ATP9A: variants seen among roughly 807,000 people sequenced by gnomAD.
ATP9A encodes the protein ATPase phospholipid transporting 9A.
A neutral mutation model predicts 144.1 loss-of-function variants in ATP9A; 52 were observed. The observed-to-expected ratio is 0.36, with a 90% CI of 0.29 to 0.45. The LOEUF is 0.45. Ranked by LOEUF, ATP9A falls within the 20% of genes least tolerant of loss-of-function variation. The pLI, the probability that ATP9A is intolerant of heterozygous loss-of-function variation, is 1.00. For synonymous variants in ATP9A, 582 were observed against 557.4 expected (o/e 1.04, Z -0.62); for missense variants, 947 against 1,392.7 (o/e 0.68, Z 5.09).
At chr20:51,627,265 C>G (rs77189454) in intron 17 of ATP9A, among the ~76,000 whole-genome samples, 1 of 152,070 alleles carries the variant, frequency 6.6e-6, no homozygotes, top group African/African-American at 2.4e-5. Flanking sequence ...AATGGTAGCA[C>G]GCGATGACAG....
intron 4 of ATP9A, among the ~76,000 whole-genome samples, chr20:51,705,106 G>A (rs1312791763): frequency 6.6e-6 from 1 of 152,050 alleles, no homozygotes; most frequent in Non-Finnish European, 1.5e-5. Context: ...GTAGTACTTG[G>A]GTTTAGGAAT....
chr20:51,678,429 G>A (rs1390729574), intron 9 of ATP9A, among the ~76,000 whole-genome samples: 1 of 152,174 alleles, frequency 6.6e-6, no homozygotes, highest in African/African-American at 2.4e-5. Context: ...TGGACAAAGA[G>A]CCCTAGGAGG....
intron 13 of ATP9A, among the ~76,000 whole-genome samples, chr20:51,666,779 C>T (rs2077434929): frequency 6.6e-6 from 1 of 152,002 alleles, no homozygotes; most frequent in South Asian, 2.1e-4. Context: ...GCAGTGGGAG[C>T]AGGGGTGATG....
chr20:51,654,725 C>T (rs1242330673), intron 14 of ATP9A, among the ~76,000 whole-genome samples: 1 of 152,112 alleles, frequency 6.6e-6, no homozygotes, highest in Non-Finnish European at 1.5e-5. Context: ...GGCAACATAG[C>T]AAGACCCCAT....
chr20:51,725,050 G>A (rs1166721827), intron 3 of ATP9A, among the ~76,000 whole-genome samples: 1 of 152,092 alleles, frequency 6.6e-6, no homozygotes, highest in South Asian at 2.1e-4. Context: ...GCTCCAGTGA[G>A]CATTTCGTTT....
intron 14 of ATP9A, among the ~76,000 whole-genome samples, chr20:51,651,589 C>T (rs1291191505): frequency 6.6e-6 from 1 of 151,606 alleles, no homozygotes; most frequent in African/African-American, 2.4e-5. Context: ...TTTGATTCTA[C>T]AATTTCTCCC....
chr20:51,658,272 G>A lies in ATP9A; in HGVS notation c.1294-1122C>T, dbSNP rs142501030. Among the ~76,000 whole-genome samples the A allele has an allele frequency of 4.7e-4, 72 of 152,140 alleles. No homozygotes were observed. The East Asian group carries it at 0.013, about 28-fold the overall frequency. ...GTCAGGAGTTCAAGACCAGCCTGCC[G>A]AACATGGTAAAACCCTGTCTCTACA... On this transcript the variant is annotated intron_variant, in intron 13 of 27. Coordinates refer to ENST00000338821, the MANE Select transcript of ATP9A (RefSeq NM_006045.3).
At chr20:51,658,471 TGCAGCTCC>T (rs1436594610) in intron 13 of ATP9A, among the ~76,000 whole-genome samples, 1 of 150,650 alleles carries the variant, frequency 6.6e-6, no homozygotes, top group Admixed American at 6.6e-5. Flanking sequence ...AGATGCAGCC[TGCAGCTCC>T]GTTCCTCTGT....
chr20:51,622,251 C>A, intron 18 of ATP9A, 79 bp from the exon 19 acceptor site: 1 of 1,139,724 alleles, frequency 8.8e-7, no homozygotes, highest in Non-Finnish European at 1.3e-6. Context: ...GAGTTTCCAA[C>A]AACATGGAGC....
chr20:51,766,709 C>A (rs1375429952), intron 1 of ATP9A, among the ~76,000 whole-genome samples: 2 of 151,974 alleles, frequency 1.3e-5, no homozygotes, highest in Non-Finnish European at 2.9e-5. Flanking sequence ...GGCGTGGTGT[C>A]GGGCGCCTGT....
At chr20:51,726,511 C>A (rs62226702) in intron 2 of ATP9A, among the ~76,000 whole-genome samples, 1 of 151,794 alleles carries the variant, frequency 6.6e-6, no homozygotes, top group African/African-American at 2.4e-5. Flanking sequence ...TAGTTACTTC[C>A]TGGGGAAGGG....
At chr20:51,763,055 A>G (rs1458346912) in intron 1 of ATP9A, among the ~76,000 whole-genome samples, 2 of 151,920 alleles carry the variant, frequency 1.3e-5, no homozygotes, top group African/African-American at 2.4e-5. Context: ...AACTTCAAAA[A>G]CTTCATGCTA....
In ATP9A at chr20:51,622,078, C is replaced by T. The variant is rs1179222367; in HGVS notation, c.2111G>A (p.Arg704Gln). 8 of 1,614,014 alleles carry T rather than the reference C, an allele frequency of 5.0e-6. No homozygotes were observed. Among genetic ancestry groups the T allele is most frequent in the South Asian group, 3.3e-5 (3 of 91,066 alleles). Residue 704 changes from arginine to glutamine, a missense_variant, in exon 19 of 28, where the codon CGG becomes CAG. Around this residue, in one of 2 missense-constraint regions of ATP9A, gnomAD observed 770 missense variants for 1,047.9 expected, o/e 0.73. Coordinates refer to ENST00000338821, the MANE Select transcript of ATP9A (RefSeq NM_006045.3). ...CTAACGCAGAGGACACTTTACCAGC[C>T]GAAAAACGTGGATGTCTTGGTTTCT... ...VTRNQDIHVFRLVTNRGEAHL... is the reference protein window; with the variant it reads ...VTRNQDIHVFQLVTNRGEAHL...
At chr20:51,700,984 C>G (rs982557600) in intron 4 of ATP9A, among the ~76,000 whole-genome samples, 1 of 152,106 alleles carries the variant, frequency 6.6e-6, no homozygotes, top group African/African-American at 2.4e-5. Context: ...TTTCTGGGAG[C>G]TCAGGAAGGT....
intron 1 of ATP9A, among the ~76,000 whole-genome samples, chr20:51,735,419 T>C (rs966815735): frequency 1.6e-4 from 25 of 152,224 alleles, no homozygotes; most frequent in Admixed American, 1.6e-3. Context: ...TTCCTGTATA[T>C]TCTTTTAGTA....
chr20:51,660,195 C>A (rs990185671), intron 13 of ATP9A, among the ~76,000 whole-genome samples: 10 of 152,164 alleles, frequency 6.6e-5, no homozygotes, highest in Non-Finnish European at 7.3e-5. Context: ...AATAACAAGA[C>A]CTTTGACAAA....
In ATP9A at chr20:51,627,639, T is replaced by C; in HGVS notation, c.1806A>G (p.Ala602=). The part of the protein sequence containing the change: ...AREGLRVLVV[A]KKSLAEEQYQ... ...ACTGCTCCTCTGCAAGAGACTTCTTTGCCACCACGAGCACCCGCAGCCCTT... is the reference window on the plus strand; with the variant it reads ...ACTGCTCCTCTGCAAGAGACTTCTTCGCCACCACGAGCACCCGCAGCCCTT... The change falls in exon 17 of 28, where the codon GCA becomes GCG. Residue 602 remains alanine (A), a synonymous_variant. Coordinates refer to ENST00000338821, the MANE Select transcript of ATP9A (RefSeq NM_006045.3). 1.9e-6 allele frequency: 3 copies of C among 1,614,208 alleles called. No homozygotes were observed. The highest frequency in any genetic ancestry group is 2.5e-6 in the Non-Finnish European group (3 of 1,180,040).
intron 13 of ATP9A, among the ~76,000 whole-genome samples, chr20:51,667,382 C>T (rs1195749558): frequency 6.6e-6 from 1 of 152,192 alleles, no homozygotes. Context: ...AGAGTCAACA[C>T]GACTGAGAAG....
chr20:51,690,205 G>C (rs1016713950), intron 8 of ATP9A, among the ~76,000 whole-genome samples: 3 of 149,590 alleles, frequency 2.0e-5, no homozygotes, highest in Non-Finnish European at 4.4e-5. Flanking sequence ...CGGATCACAA[G>C]GTCAGGGGAT....
Sources: gnomAD v4.1 joint callset for allele counts (sites outside exome capture counted in the v4.1 genomes callset) on GRCh38, gnomAD v4.1.1 for gene constraint, gnomAD v4.1.1 regional missense constraint, MANE v1.5 for transcripts, NCBI Gene and HGNC (gene_info 2026-07-23, HGNC 2026-07-21) for gene names.